The following ADH4 variants were observed in gnomAD, a reference collection of about 807,000 sequenced individuals.
ADH4 encodes all-trans-retinol dehydrogenase [NAD(+)] ADH4.
ADH4 carries 31 observed loss-of-function variants against 35.2 expected under a neutral mutation model. The ratio of observed to expected loss-of-function variants is 0.88; its 90% CI spans 0.66 to 1.19. The LOEUF (loss-of-function observed/expected upper bound fraction) is 1.19. Among genes scored for constraint, ADH4 ranks in the 50% most tolerant of loss-of-function variants. The probability of loss-of-function intolerance (pLI) is 0.00; values close to 1 mark genes in which losing one functional copy is unlikely to be tolerated. For synonymous variants in ADH4, 171 were observed against 160.2 expected, an observed-to-expected ratio of 1.07 and a Z score of -0.51; for missense variants, 476 against 458.3, an observed-to-expected ratio of 1.04 and a Z score of -0.35.
chr4:99,126,166 C>G (rs1314560471), intron 8 of ADH4, among the ~76,000 whole-genome samples: 1 of 152,188 alleles, frequency 6.6e-6, no homozygotes, highest in Non-Finnish European at 1.5e-5. Flanking sequence ...CTTTACATGT[C>G]TGATCCCTGC....
chr4:99,137,497 G>A (rs530988665), intron 4 of ADH4, among the ~76,000 whole-genome samples: 1 of 152,172 alleles, frequency 6.6e-6, no homozygotes, highest in South Asian at 2.1e-4. Flanking sequence ...CCTGACCTCA[G>A]GTGATCTGCC....
chr4:99,131,655 T>C lies in ADH4; in HGVS notation c.692A>G (p.Asn231Ser), dbSNP rs765110862. The change falls in exon 6 of 9, where the codon AAC becomes AGC. Residue 231 changes from asparagine to serine, a missense_variant. By Grantham distance (46) the Asn-to-Ser change is conservative (BLOSUM62 1). Transcript: ENST00000265512. The stretch of plus-strand genomic sequence containing the variant: ...TTTAGCCTTCACAAACTTCTCACTG[T>C]TGATGTCAATACCTATGATTCTGGA... ...GASRIIGIDI[N>S]SEKFVKAKAL... 2.4e-5 allele frequency: 39 copies of C among 1,614,034 alleles called. No individual in the cohort carries two copies. The highest frequency in any genetic ancestry group is 3.3e-5 in the Admixed American group (2 of 59,992).
In ADH4 at chr4:99,124,264, A is replaced by G. The variant is rs1729006062; in HGVS notation, c.*178T>C. On this transcript the variant is annotated 3_prime_UTR_variant, in exon 9 of 9. Coordinates refer to ENST00000265512, the MANE Select transcript of ADH4 (RefSeq NM_000670.5). Reference sequence around the variant, plus strand: ...TTATTATTATTATTTAACATAGGGAATATTCATATATATAACAGGTACAAA... The same window carrying G: ...TTATTATTATTATTTAACATAGGGAGTATTCATATATATAACAGGTACAAA... 1.9e-6 allele frequency: 1 copy of G among 525,936 alleles called. No homozygotes were observed. The highest frequency in any genetic ancestry group is 3.4e-6 in the Non-Finnish European group (1 of 297,358). 32.6% of individuals were successfully genotyped at this position (525,936 alleles called of 1,614,324 possible). A position where few individuals can be genotyped will look rare whatever the true frequency, so the allele number is the denominator to read the frequency against.
chr4:99,126,182 AG>A (rs1407085846), intron 8 of ADH4, among the ~76,000 whole-genome samples: 2 of 152,314 alleles, frequency 1.3e-5, no homozygotes, highest in Admixed American at 1.3e-4. Context: ...CCTGCCACAG[AG>A]GCATGGTTTT....
chr4:99,136,486 C>T lies in ADH4; in HGVS notation c.562G>A (p.Ala188Thr), dbSNP rs185127513. 1.2e-6 allele frequency: 2 copies of T among 1,614,018 alleles called. No homozygotes were observed. The highest frequency in any genetic ancestry group is 2.2e-5 in the East Asian group (1 of 44,864). ...TTTACCTTGGCATTGTTGATTGCAG[C>T]CCCATAGCCAGTTGAAAACCCACAT... ...LGCGFSTGYG[A>T]AINNAKVTPG... Residue 188 changes from alanine (A) to threonine (T), a missense_variant, in exon 5 of 9, where the codon GCT (alanine) becomes ACT (threonine). Coordinates refer to ENST00000265512, the MANE Select transcript of ADH4 (RefSeq NM_000670.5).
intron 4 of ADH4, 138 bp from the exon 5 acceptor site, chr4:99,136,835 C>G (rs545700204): frequency 1.6e-6 from 1 of 609,784 alleles, no homozygotes; most frequent in Non-Finnish European, 2.8e-6. Flanking sequence ...AGGGAAACAA[C>G]AAGACTTTTC....
chr4:99,133,806 GT>G (rs1242411628), intron 5 of ADH4: 1 of 152,148 alleles, frequency 6.6e-6, no homozygotes, highest in East Asian at 1.9e-4. Context: ...TCTGCTCAAG[GT>G]AAGTTTAATA....
intron 5 of ADH4, among the ~76,000 whole-genome samples, chr4:99,133,177 G>A (rs910759918): frequency 2.0e-5 from 3 of 152,166 alleles, no homozygotes; most frequent in African/African-American, 2.4e-5. Context: ...ATAATATGCT[G>A]CATTACTTGT....
At chr4:99,140,550 G>T (rs1729576358) in intron 3 of ADH4, among the ~76,000 whole-genome samples, 1 of 151,724 alleles carries the variant, frequency 6.6e-6, no homozygotes, top group South Asian at 2.1e-4. Context: ...CTCCAGCCTG[G>T]CACAGAGTGA....
rs2110493698 is a variant in ADH4, at chr4:99,130,191, T to C, written c.843+1313A>G. Among the ~76,000 whole-genome samples, 4 of 152,378 alleles carry C rather than the reference T, an allele frequency of 2.6e-5. No individual in the cohort carries two copies. The Middle Eastern group carries it at 0.014, about 518-fold the overall frequency. The stretch of plus-strand genomic sequence containing the variant: ...AAGTAACTATTGTTTTACAATGACC[T>C]GTGGTTCTGTTTTAATCAAATGTTT... On this transcript the variant is annotated intron_variant, in intron 6 of 8. Coordinates refer to ENST00000265512, the MANE Select transcript of ADH4 (RefSeq NM_000670.5).
At chr4:99,126,556 C>A in intron 8 of ADH4, 38 bp downstream of exon 8, 1 of 1,528,666 alleles carries the variant, frequency 6.5e-7, no homozygotes, top group Non-Finnish European at 8.9e-7. Flanking sequence ...TCATTGTAAA[C>A]GTTTTTTAAA....
Position 99,142,744 on chromosome 4 carries a change from C to T in ADH4, c.55G>A (p.Gly19Ser), listed in dbSNP as rs1729669866. ...KCKAAIAWEA[G>S]KPLCIEEVEV... ...ACCTCTTCAATGCAAAGGGGCTTGC[C>T]TGCTTCCCAGGCGATGGCTGCTTTG... The change falls in exon 2 of 9, where the codon GGC (glycine) becomes AGC (serine). Residue 19 changes from glycine to serine, a missense_variant. Gly to Ser is a moderately conservative substitution (Grantham distance 56, BLOSUM62 0). Coordinates refer to ENST00000265512, the MANE Select transcript of ADH4 (RefSeq NM_000670.5). 1 of 1,605,412 alleles carries T rather than the reference C, an allele frequency of 6.2e-7. No individual in the cohort carries two copies. Among genetic ancestry groups the T allele is most frequent in the Admixed American group, 1.7e-5 (1 of 58,384 alleles).
At chr4:99,129,610 T>G (rs1355863682) in intron 6 of ADH4, among the ~76,000 whole-genome samples, 1 of 152,238 alleles carries the variant, frequency 6.6e-6, no homozygotes, top group Non-Finnish European at 1.5e-5. Context: ...CCTTTTGCTA[T>G]GTCTCCCTGC....
intron 5 of ADH4, among the ~76,000 whole-genome samples, chr4:99,134,933 C>T (rs775723160): frequency 2.0e-5 from 3 of 151,418 alleles, no homozygotes; most frequent in South Asian, 4.2e-4. Context: ...ATTACAAAGC[C>T]GAGGACCAGG....
intron 3 of ADH4, among the ~76,000 whole-genome samples, chr4:99,140,590 G>A (rs1370370756): frequency 1.3e-5 from 2 of 151,034 alleles, no homozygotes; most frequent in African/African-American, 4.9e-5. Context: ...AAAAAAGTCT[G>A]GGCAAGGTGG....
At chr4:99,128,310 C>T (rs1044696200) in intron 6 of ADH4, among the ~76,000 whole-genome samples, 1 of 152,160 alleles carries the variant, frequency 6.6e-6, no homozygotes, top group Non-Finnish European at 1.5e-5. Flanking sequence ...GCAGCATGTG[C>T]CTGTAGTCCC....
rs774220086 is a variant in ADH4, at chr4:99,142,663, G to C, written c.120+16C>G. The C allele has an allele frequency of 3.3e-6, 5 of 1,519,438 alleles. No homozygotes were observed. The highest frequency in any genetic ancestry group is 4.4e-6 in the Non-Finnish European group (5 of 1,134,580). The allele number at this position is 1,519,438 out of a possible 1,614,324, so 94.1% of individuals were successfully genotyped here. A position where few individuals can be genotyped will look rare whatever the true frequency, so the allele number is the denominator to read the frequency against. On this transcript the variant is annotated intron_variant, in intron 2 of 8. Coordinates refer to ENST00000265512, the MANE Select transcript of ADH4 (RefSeq NM_000670.5). ...GGGGCCCTGTCTGTTCCCACCCAAG[G>C]AAAGTCTCCACTTACCTGAATGCGA...
intron 4 of ADH4, among the ~76,000 whole-genome samples, chr4:99,137,623 T>C (rs762030173): frequency 1.3e-5 from 2 of 152,204 alleles, no homozygotes; most frequent in Non-Finnish European, 2.9e-5. Flanking sequence ...GCTTTACATG[T>C]ATTAACTCTT....
At chr4:99,134,093 T>G (rs1021236934) in intron 5 of ADH4, among the ~76,000 whole-genome samples, 1 of 152,168 alleles carries the variant, frequency 6.6e-6, no homozygotes, top group Non-Finnish European at 1.5e-5. Flanking sequence ...ATCTCACTTA[T>G]ATGTGGAAAA....
Sources: gnomAD v4.1 joint callset for allele counts (sites outside exome capture counted in the v4.1 genomes callset) on GRCh38, gnomAD v4.1.1 for gene constraint, MANE v1.5 for transcripts, NCBI Gene and HGNC (gene_info 2026-07-23, HGNC 2026-07-21) for gene names.